Variants in CAVIN1 observed in about 807,000 individuals in gnomAD.
CAVIN1 encodes the protein caveolae-associated protein 1.
Under a neutral mutation model 24.0 loss-of-function variants are expected in CAVIN1, and 16 were observed. That is an observed-to-expected ratio of 0.67 (90% CI 0.45 to 1.01). CAVIN1 has a LOEUF of 1.01. Ranked by LOEUF, CAVIN1 falls within the 50% of genes least tolerant of loss-of-function variation. The probability of loss-of-function intolerance (pLI) is 0.00; values close to 1 mark genes in which losing one functional copy is unlikely to be tolerated. For missense variants in CAVIN1, 510 were observed against 551.7 expected, an observed-to-expected ratio of 0.92 and a Z score of 0.76; for synonymous variants, 256 against 256.4, an observed-to-expected ratio of 1.00 and a Z score of 0.02.
At chr17:42,411,563 G>A (rs2085478986) in intron 1 of CAVIN1, 1 of 985,236 alleles carries the variant, frequency 1.0e-6, no homozygotes, top group Non-Finnish European at 1.2e-6. Context: ...TCTTTGCAAA[G>A]CATTTTCTAA....
chr17:42,411,279 G>T (rs939165518), intron 1 of CAVIN1: 3 of 192,636 alleles, frequency 1.6e-5, no homozygotes, highest in Non-Finnish European at 2.8e-5. Context: ...CTGGCTGGGT[G>T]AGGTGGCTCA....
chr17:42,414,652 T>A (rs372620947), intron 1 of CAVIN1, among the ~76,000 whole-genome samples: 54 of 152,106 alleles, frequency 3.6e-4, no homozygotes, highest in East Asian at 1.5e-3. Context: ...ATAGGCTTCT[T>A]GCTTTGAGCA....
At chr17:42,416,767 C>T (rs1161087495) in intron 1 of CAVIN1, among the ~76,000 whole-genome samples, 2 of 151,912 alleles carry the variant, frequency 1.3e-5, no homozygotes, top group African/African-American at 2.4e-5. Flanking sequence ...TCTCCATGGC[C>T]GCTGGGTTTT....
Position 42,404,620 on chromosome 17 carries a change from C to T in CAVIN1, c.*67G>A. 1.8e-6 allele frequency: 2 copies of T among 1,113,304 alleles called. No individual in the cohort carries two copies. Among genetic ancestry groups the T allele is most frequent in the Non-Finnish European group, 2.4e-6 (2 of 831,580 alleles). 69.0% of individuals were successfully genotyped at this position (1,113,304 alleles called of 1,614,324 possible). A position where few individuals can be genotyped will look rare whatever the true frequency, so the allele number is the denominator to read the frequency against. On this transcript the variant is annotated 3_prime_UTR_variant, in exon 2 of 2. Transcript: ENST00000357037. Reference sequence around the variant, plus strand: ...TAGAAAAATCTCAGCCAGCTCGAGCCGAGAGAGAATGCGAAAGAGGAAGTT... The same window carrying T: ...TAGAAAAATCTCAGCCAGCTCGAGCTGAGAGAGAATGCGAAAGAGGAAGTT...
At chr17:42,419,560 C>T (rs1200223158) in intron 1 of CAVIN1, among the ~76,000 whole-genome samples, 2 of 152,150 alleles carry the variant, frequency 1.3e-5, no homozygotes, top group Non-Finnish European at 2.9e-5. Flanking sequence ...ATCCACCTGC[C>T]TCAGCCTCCT....
rs774857493 is a variant in CAVIN1 at position 42,410,892 on chromosome 17, C to CA, written c.472-5505dup. On this transcript the variant is annotated intron_variant, in intron 1 of 1. Transcript: ENST00000357037. The stretch of plus-strand genomic sequence containing the variant: ...CTGGCGACGGAGTGAGACTCTGTCT[C>CA]AAAAAAAAAAAAAAAAAAAAAAAAA... 5.3e-3 allele frequency among the ~76,000 whole-genome samples: 405 copies of CA among 76,356 alleles called. 48 individuals are homozygous for CA. Among genetic ancestry groups the CA allele is most frequent in the African/African-American group, 0.021 (391 of 18,466 alleles). The allele number at this position is 76,356 out of a possible 152,430, so 50.1% of individuals were successfully genotyped here.
At chr17:42,406,320 T>C (rs919169002) in intron 1 of CAVIN1, among the ~76,000 whole-genome samples, 9 of 151,474 alleles carry the variant, frequency 5.9e-5, no homozygotes, top group African/African-American at 2.2e-4. Flanking sequence ...CAGCTGCACC[T>C]ACCCACCCAA....
intron 1 of CAVIN1, among the ~76,000 whole-genome samples, chr17:42,413,041 C>T (rs1323468122): frequency 1.3e-5 from 2 of 152,016 alleles, no homozygotes; most frequent in African/African-American, 4.8e-5. Context: ...AAGCGATTCT[C>T]CTGCCTCAGC....
At chr17:42,412,257 T>C in intron 1 of CAVIN1, 2 of 983,586 alleles carry the variant, frequency 2.0e-6, no homozygotes, top group South Asian at 4.7e-5. Context: ...TGGGCTAAGA[T>C]GAGGAAAAGG....
chr17:42,411,373 G>A (rs780949125), intron 1 of CAVIN1: 13 of 928,064 alleles, frequency 1.4e-5, no homozygotes, highest in Non-Finnish European at 1.7e-5. Context: ...GGGCAACACA[G>A]TCCAACCCCA....
chr17:42,411,207 A>AAAAAAAAAAAAAAAAAAAAAAAAAAAC (rs758609413), intron 1 of CAVIN1, among the ~76,000 whole-genome samples: 9 of 127,612 alleles, frequency 7.1e-5, no homozygotes, highest in African/African-American at 8.4e-5. Context: ...AAAAAAAAAA[A>AAAAAAAAAAAAAAAAAAAAAAAAAAAC]AACTAAAAGG....
intron 1 of CAVIN1, among the ~76,000 whole-genome samples, chr17:42,405,689 T>TC (rs1327518751): frequency 4.0e-5 from 2 of 50,334 alleles, no homozygotes; most frequent in Admixed American, 3.3e-4. Flanking sequence ...CTTGTTTTTT[T>TC]TTTTTTTTTT....
chr17:42,419,818 T>G (rs1220672132), intron 1 of CAVIN1, among the ~76,000 whole-genome samples: 1 of 151,868 alleles, frequency 6.6e-6, no homozygotes, highest in Admixed American at 6.6e-5. Context: ...AGAAGGGCAG[T>G]AATGACTCAG....
At chr17:42,416,853 G>A (rs1286040939) in intron 1 of CAVIN1, among the ~76,000 whole-genome samples, 1 of 152,108 alleles carries the variant, frequency 6.6e-6, no homozygotes, top group African/African-American at 2.4e-5. Context: ...GAGCAAGGTA[G>A]CCCTAATTTG....
chr17:42,405,241 C>A lies in CAVIN1; in HGVS notation c.619G>T (p.Val207Leu), dbSNP rs759783059. 1.2e-5 allele frequency: 19 copies of A among 1,613,776 alleles called. No individual in the cohort carries two copies. Among genetic ancestry groups the A allele is most frequent in the Non-Finnish European group, 1.2e-5 (14 of 1,179,950 alleles). ...AALELSSDEA[V>L]EVEEVIEESR... ...TCCTCAATAACCTCCTCAACCTCCA[C>A]CGCCTCGTCCGACGAAAGCTCCAGC... The change falls in exon 2 of 2, where the codon GTG (valine) becomes TTG (leucine). Residue 207 changes from valine (V) to leucine (L), a missense_variant. Transcript: ENST00000357037.
intron 1 of CAVIN1, among the ~76,000 whole-genome samples, chr17:42,410,224 G>A (rs1481994549): frequency 2.0e-5 from 3 of 152,196 alleles, no homozygotes; most frequent in Non-Finnish European, 4.4e-5. Flanking sequence ...ACCAGCTCTA[G>A]GTCCCCAACC....
chr17:42,411,598 A>C (rs1040259629), intron 1 of CAVIN1: 6 of 985,220 alleles, frequency 6.1e-6, no homozygotes, highest in Non-Finnish European at 7.2e-6. Flanking sequence ...AATACGTGTA[A>C]ATGTTTTCCT....
intron 1 of CAVIN1, among the ~76,000 whole-genome samples, chr17:42,415,438 T>C (rs1326426882): frequency 6.6e-6 from 1 of 152,100 alleles, no homozygotes; most frequent in Non-Finnish European, 1.5e-5. Context: ...TGAGGCCGGG[T>C]GCGGTGGCTC....
chr17:42,410,348 G>A (rs377339035), intron 1 of CAVIN1, among the ~76,000 whole-genome samples: 19 of 152,244 alleles, frequency 1.2e-4, no homozygotes, highest in Admixed American at 2.6e-4. Flanking sequence ...GGGAGAGAAC[G>A]TCTTTAAAAT....
Sources: allele counts gnomAD v4.1 joint callset (sites outside exome capture counted in the v4.1 genomes callset), GRCh38; gene constraint gnomAD v4.1.1; transcripts MANE v1.5; gene names NCBI Gene and HGNC (gene_info 2026-07-23, HGNC 2026-07-21).